Variants in FTSJ3 observed in about 807,000 individuals in gnomAD.
FTSJ3 encodes the protein pre-rRNA 2'-O-ribose RNA methyltransferase FTSJ3.
A neutral mutation model predicts 111.5 loss-of-function variants in FTSJ3; 46 were observed. The observed-to-expected ratio is 0.41, with a 90% CI of 0.33 to 0.53. The LOEUF (loss-of-function observed/expected upper bound fraction) is 0.53. Ranked by LOEUF, FTSJ3 falls within the 20% of genes least tolerant of loss-of-function variation. FTSJ3 has a pLI of 0.19. For missense variants in FTSJ3, 1,075 were observed against 1,063.8 expected, an observed-to-expected ratio of 1.01 and a Z score of -0.15; for synonymous variants, 408 against 383.0, an observed-to-expected ratio of 1.07 and a Z score of -0.76.
Position 63,821,749 on chromosome 17 carries a change from C to T in FTSJ3, c.1570G>A (p.Glu524Lys). 6.2e-7 allele frequency: 1 copy of T among 1,614,208 alleles called. No individual in the cohort carries two copies. The highest frequency in any genetic ancestry group is 8.5e-7 in the Non-Finnish European group (1 of 1,180,028). ...TTTGAGAACCACAGGTTGGCTTGTT[C>T]TTCCTGCAGTACTGCCTTTTCCTCC... ...PLEEKAVLQE[E>K]QANLWFSKGS... The change falls in exon 15 of 21, where the codon GAA (glutamate) becomes AAA (lysine). Residue 524 changes from glutamate (E) to lysine (K), a missense_variant. Coordinates refer to ENST00000427159, the MANE Select transcript of FTSJ3 (RefSeq NM_017647.4).
intron 13 of FTSJ3, 61 bp downstream of exon 13, chr17:63,823,756 C>T: frequency 1.9e-6 from 3 of 1,573,558 alleles, no homozygotes; most frequent in Non-Finnish European, 2.6e-6. Flanking sequence ...ACACCCCCCA[C>T]CTCCAAACAC....
chr17:63,825,964 G>A (rs1420933007), intron 5 of FTSJ3, 92 bp downstream of exon 5: 1 of 1,065,592 alleles, frequency 9.4e-7, no homozygotes, highest in Non-Finnish European at 1.4e-6. Flanking sequence ...CGTGCTCAAA[G>A]CACGGTAAAA....
intron 17 of FTSJ3, 44 bp from the exon 18 acceptor site, chr17:63,820,982 G>A (rs1312045060): frequency 1.9e-6 from 3 of 1,609,626 alleles, no homozygotes; most frequent in Non-Finnish European, 2.6e-6. Flanking sequence ...TCCCAATACT[G>A]AGACTTCCAG....
intron 3 of FTSJ3, 38 bp from the exon 4 acceptor site, chr17:63,826,342 C>G: frequency 6.2e-7 from 1 of 1,600,086 alleles, no homozygotes; most frequent in South Asian, 1.1e-5. Context: ...CTAGAGCCAT[C>G]CTTTTCCCCC....
At chr17:63,821,244 A>G (rs1017995874) in intron 16 of FTSJ3, 110 bp downstream of exon 16, 8 of 1,502,076 alleles carry the variant, frequency 5.3e-6, no homozygotes, top group African/African-American at 2.8e-5. Flanking sequence ...TCGTCAGTAC[A>G]GTATTTTTAA....
chr17:63,820,209 C>CCA, intron 19 of FTSJ3, 36 bp from the exon 20 acceptor site: 1 of 545,166 alleles, frequency 1.8e-6, no homozygotes, highest in Non-Finnish European at 3.5e-6. Context: ...TCTTCCCCAT[C>CCA]CCCCCACCCC....
chr17:63,822,527 G>A (rs752909305), intron 13 of FTSJ3, among the ~76,000 whole-genome samples: 15 of 152,072 alleles, frequency 9.9e-5, no homozygotes, highest in East Asian at 7.7e-4. Context: ...TGAGAATACC[G>A]TCTACACAGT....
rs199700918 is a variant in FTSJ3, at chr17:63,824,829, C to T, written c.812G>A (p.Ser271Asn). 385 of 1,610,940 alleles carry T rather than the reference C, an allele frequency of 2.4e-4. 8 individuals are homozygous for T. Among genetic ancestry groups the T allele is most frequent in the South Asian group, 2.1e-3 (190 of 90,736 alleles). The stretch of plus-strand genomic sequence containing the variant: ...CCCTCAAGGCTGGAGACTCACTTCG[C>T]TGGCCTTGGAGAGGAAGTCAACAGG... ...ANPVDFLSKA[S>N]EIMVDDEELA... Residue 271 changes from serine (S) to asparagine (N), a missense_variant, in exon 9 of 21, where the codon AGC becomes AAC. Physicochemically the swap from Ser to Asn is conservative, Grantham distance 46 (BLOSUM62 1). Coordinates refer to ENST00000427159, the MANE Select transcript of FTSJ3 (RefSeq NM_017647.4).
intron 3 of FTSJ3, 22 bp from the exon 4 acceptor site, chr17:63,826,326 A>T: frequency 1.2e-6 from 2 of 1,612,910 alleles, no homozygotes; most frequent in Non-Finnish European, 1.7e-6. Context: ...ACAGAAATTT[A>T]AAAACCTAGA....
chr17:63,827,508 A>C lies in FTSJ3; in HGVS notation c.-483T>G, dbSNP rs1275268202. On this transcript the variant is annotated 5_prime_UTR_variant, in exon 1 of 21. Transcript: ENST00000427159. ...GAGAGAAGATGGCGCTTGACGGACC[A>C]GAGCAGGTATGGCGGGTGCAGTGGC... 7.7e-6 allele frequency: 12 copies of C among 1,551,770 alleles called. No individual in the cohort carries two copies. The highest frequency in any genetic ancestry group is 1.0e-5 in the Non-Finnish European group (12 of 1,147,004).
rs779221212 is a variant in FTSJ3 at position 63,825,416 on chromosome 17, G to C, written c.421C>G (p.Leu141Val). The C allele has an allele frequency of 1.9e-6, 3 of 1,614,176 alleles. No homozygotes were observed. The highest frequency in any genetic ancestry group is 2.2e-5 in the South Asian group (2 of 91,078). ...GCCAAAAAGTCACAAGCCAAACGTA[G>C]AGCCATCAGTGTCAAATGGGCTGTA... ...YSQAHLTLMA[L>V]RLACDFLARG... The change falls in exon 7 of 21, where the codon CTA becomes GTA. Residue 141 changes from leucine to valine, a missense_variant. Around this residue, in one of 2 missense-constraint regions of FTSJ3, gnomAD observed 208 missense variants for 266.9 expected, o/e 0.78. Transcript: ENST00000427159.
At position 63,821,794 on chromosome 17, in the gene FTSJ3, T is replaced by G. The variant is rs1174229530; in HGVS notation, c.1525A>C (p.Asn509His). The change falls in exon 15 of 21, where the codon AAT (asparagine) becomes CAT (histidine). Residue 509 changes from asparagine to histidine, a missense_variant. Asn to His is a moderately conservative substitution (Grantham distance 68). This residue lies in a region of FTSJ3 where 867 missense variants were observed against 796.9 expected (regional missense o/e 1.09). Coordinates refer to ENST00000427159, the MANE Select transcript of FTSJ3 (RefSeq NM_017647.4). ...TCCTCCAGTGGTACCAGCAGTGGAT[T>G]CTCCTCCTCCTCCTCCTCTTTATCA... ...QDDKEEEEEE[N>H]PLLVPLEEKA... The G allele has an allele frequency of 1.2e-6, 2 of 1,613,772 alleles. No homozygotes were observed. The highest frequency in any genetic ancestry group is 1.7e-6 in the Non-Finnish European group (2 of 1,179,888).
Position 63,819,781 on chromosome 17 carries a change from C to T in FTSJ3, c.*21G>A. On this transcript the variant is annotated 3_prime_UTR_variant, in exon 21 of 21. Coordinates refer to ENST00000427159, the MANE Select transcript of FTSJ3 (RefSeq NM_017647.4). The stretch of plus-strand genomic sequence containing the variant: ...CCTTCCTCCTAGTCCCCATGCTCTC[C>T]TGGGAGCCTGGCAGCTCTGCTTACT... The T allele has an allele frequency of 3.1e-6, 5 of 1,599,554 alleles. No homozygotes were observed. Among genetic ancestry groups the T allele is most frequent in the South Asian group, 1.1e-5 (1 of 89,052 alleles).
Position 63,821,855 on chromosome 17 carries a change from A to G in FTSJ3, c.1476-12T>C. ...CAGTAAGTCGCATACTGTAGACCCA[A>G]AGGAAAGTAGGGGGCTCAGAGACCC... On this transcript the variant is annotated splice_polypyrimidine_tract_variant and intron_variant, in intron 14 of 20. Coordinates refer to ENST00000427159, the MANE Select transcript of FTSJ3 (RefSeq NM_017647.4). 1 of 1,613,918 alleles carries G rather than the reference A, an allele frequency of 6.2e-7. No homozygotes were observed. Among genetic ancestry groups the G allele is most frequent in the Non-Finnish European group, 8.5e-7 (1 of 1,180,008 alleles).
intron 10 of FTSJ3, 65 bp downstream of exon 10, chr17:63,824,572 G>A: frequency 6.9e-7 from 1 of 1,457,254 alleles, no homozygotes; most frequent in Non-Finnish European, 9.6e-7. Flanking sequence ...CTTCCCAGAG[G>A]TCCAACATCA....
rs370870170 is a variant in FTSJ3 at position 63,823,908 on chromosome 17, C to A, written c.1199G>T (p.Arg400Leu). ...LLREQRKQRERVELKMDLPGV... is the reference protein window; with the variant it reads ...LLREQRKQRELVELKMDLPGV... ...AGGCAGATCCATCTTCAGCTCCACA[C>A]GCTCCCGCTGCTTTCTCTGCTCACG... The change falls in exon 13 of 21, where the codon CGT becomes CTT. Residue 400 changes from arginine (R) to leucine (L), a missense_variant. By Grantham distance (102) the Arg-to-Leu change is moderately radical. Around this residue, in one of 2 missense-constraint regions of FTSJ3, gnomAD observed 867 missense variants for 796.9 expected, o/e 1.09. Coordinates refer to ENST00000427159, the MANE Select transcript of FTSJ3 (RefSeq NM_017647.4). The A allele has an allele frequency of 1.2e-6, 2 of 1,614,206 alleles. No individual in the cohort carries two copies. The highest frequency in any genetic ancestry group is 1.7e-5 in the Admixed American group (1 of 60,028).
chr17:63,821,249 T>G, intron 16 of FTSJ3, 105 bp downstream of exon 16: 5 of 1,508,562 alleles, frequency 3.3e-6, no homozygotes, highest in South Asian at 1.2e-5. Flanking sequence ...AGTACAGTAT[T>G]TTTAACCCTC....
rs1251515764 is a variant in FTSJ3 at position 63,825,176 on chromosome 17, G to C, written c.596-13C>G. 6.2e-7 allele frequency: 1 copy of C among 1,613,848 alleles called. No individual in the cohort carries two copies. Among genetic ancestry groups the C allele is most frequent in the East Asian group, 2.2e-5 (1 of 44,886 alleles). On this transcript the variant is annotated splice_polypyrimidine_tract_variant and intron_variant, in intron 7 of 20. Coordinates refer to ENST00000427159, the MANE Select transcript of FTSJ3 (RefSeq NM_017647.4). ...GGGGCCAGGAATCCTAAAAATGACA[G>C]GATATATTAAAAAGTGTGCTTTGGG... is the stretch of plus-strand genomic sequence containing the variant.
intron 10 of FTSJ3, 111 bp downstream of exon 10, chr17:63,824,526 G>C: frequency 7.0e-7 from 1 of 1,421,208 alleles, no homozygotes; most frequent in Non-Finnish European, 1.0e-6. Flanking sequence ...AAAAGGCTCA[G>C]GCCCCCATCC....
Sources: allele counts gnomAD v4.1 joint callset (sites outside exome capture counted in the v4.1 genomes callset), GRCh38; gene constraint gnomAD v4.1.1; regional missense constraint gnomAD v4.1.1; transcripts MANE v1.5; gene names NCBI Gene and HGNC (gene_info 2026-07-23, HGNC 2026-07-21).